The following UBXN7 variants were observed in gnomAD, a reference collection of about 807,000 sequenced individuals.
The protein encoded by UBXN7 is UBX domain protein 7.
Under a neutral mutation model 58.0 loss-of-function variants are expected in UBXN7, and 9 were observed. That is an observed-to-expected ratio of 0.16 (90% confidence interval 0.09 to 0.27). The LOEUF (loss-of-function observed/expected upper bound fraction) is 0.27. Ranked by LOEUF, UBXN7 falls within the 10% of genes least tolerant of loss-of-function variation. The pLI, the probability that UBXN7 is intolerant of heterozygous loss-of-function variation, is 1.00. For synonymous variants in UBXN7, 208 were observed against 205.0 expected (o/e 1.01, Z -0.12); for missense variants, 328 against 599.6 (o/e 0.55, Z 4.73).
intron 1 of UBXN7, among the ~76,000 whole-genome samples, chr3:196,429,199 C>G (rs562309639): frequency 6.6e-6 from 1 of 151,884 alleles, no homozygotes; most frequent in African/African-American, 2.4e-5. Flanking sequence ...TGGTGGCAGG[C>G]GCCTGTGGTC....
intron 10 of UBXN7, 83 bp from the exon 11 acceptor site, chr3:196,356,929 T>C: frequency 2.0e-6 from 3 of 1,481,306 alleles, no homozygotes; most frequent in Admixed American, 2.5e-5. Context: ...AAACATTCTC[T>C]TTTTAATCAT....
intron 10 of UBXN7, among the ~76,000 whole-genome samples, chr3:196,361,487 C>T (rs937929338): frequency 1.3e-5 from 2 of 152,126 alleles, no homozygotes; most frequent in Non-Finnish European, 2.9e-5. Flanking sequence ...CAAACGGCAG[C>T]ACATGCTACA....
chr3:196,368,610 A>G (rs1285244208), intron 7 of UBXN7, among the ~76,000 whole-genome samples: 1 of 152,180 alleles, frequency 6.6e-6, no homozygotes, highest in Non-Finnish European at 1.5e-5. Context: ...CACATCAATT[A>G]TACTCACCTA....
At chr3:196,425,758 T>C (rs1057113090) in intron 1 of UBXN7, among the ~76,000 whole-genome samples, 1 of 152,206 alleles carries the variant, frequency 6.6e-6, no homozygotes, top group Non-Finnish European at 1.5e-5. Flanking sequence ...TCTGTATACA[T>C]GTCTGCCCAA....
At chr3:196,376,274 G>A (rs1729014993) in intron 5 of UBXN7, among the ~76,000 whole-genome samples, 1 of 151,970 alleles carries the variant, frequency 6.6e-6, no homozygotes, top group Non-Finnish European at 1.5e-5. Context: ...CAGGGGCAGT[G>A]GCTCTTGCCT....
intron 8 of UBXN7, 117 bp from the exon 9 acceptor site, chr3:196,362,804 C>G: frequency 5.3e-6 from 7 of 1,309,576 alleles, no homozygotes; most frequent in Non-Finnish European, 2.1e-6. Flanking sequence ...TGACTGTATC[C>G]CTTCTACTTT....
intron 5 of UBXN7, among the ~76,000 whole-genome samples, chr3:196,384,931 C>G (rs1011550722): frequency 6.6e-6 from 1 of 151,918 alleles, no homozygotes; most frequent in Admixed American, 6.6e-5. Flanking sequence ...ATTCAACATA[C>G]TGTTGGAAGT....
intron 4 of UBXN7, 72 bp from the exon 5 acceptor site, chr3:196,391,997 ACAC>A (rs1560231336): frequency 1.2e-5 from 7 of 580,794 alleles, no homozygotes; most frequent in East Asian, 5.1e-5. Context: ...AAAAAAAAAA[ACAC>A]AAACTTCTGT....
intron 5 of UBXN7, among the ~76,000 whole-genome samples, chr3:196,374,890 G>A (rs1577442065): frequency 7.3e-5 from 1 of 13,740 alleles, no homozygotes; most frequent in Non-Finnish European, 1.7e-4. Flanking sequence ...AGGGGAGGGG[G>A]AGGGGAGGGG....
intron 3 of UBXN7, among the ~76,000 whole-genome samples, chr3:196,398,927 T>TTC (rs1170892885): frequency 6.6e-6 from 1 of 151,748 alleles, no homozygotes; most frequent in Non-Finnish European, 1.5e-5. Context: ...GGATTACAGG[T>TTC]GTGAGTCACC....
In UBXN7 at chr3:196,385,095, C is replaced by T. The variant is rs184921445; in HGVS notation, c.468+6718G>A. On this transcript the variant is annotated intron_variant, in intron 5 of 10. Coordinates refer to ENST00000296328, the MANE Select transcript of UBXN7 (RefSeq NM_015562.2). Reference sequence around the variant, plus strand: ...CTGCCGCCATCTCGACTCACTGCAACCTCCCTGCCTGATTCTCCTGCCTCA... The same window carrying T: ...CTGCCGCCATCTCGACTCACTGCAATCTCCCTGCCTGATTCTCCTGCCTCA... 1.0e-3 allele frequency among the ~76,000 whole-genome samples: 153 copies of T among 152,334 alleles called. 1 individual carries two copies. In the East Asian group the frequency reaches 0.017, roughly 17 times the overall value.
intron 5 of UBXN7, among the ~76,000 whole-genome samples, chr3:196,382,117 T>C (rs1267025545): frequency 6.6e-6 from 1 of 151,978 alleles, no homozygotes; most frequent in African/African-American, 2.4e-5. Flanking sequence ...AGGCCAACAT[T>C]CAAATTCAGG....
Position 196,391,978 on chromosome 3 carries a change from GAAAAAA to G in UBXN7, c.356-59_356-54del, listed in dbSNP as rs11335716. On this transcript the variant is annotated intron_variant, in intron 4 of 10. Coordinates refer to ENST00000296328, the MANE Select transcript of UBXN7 (RefSeq NM_015562.2). The stretch of plus-strand genomic sequence containing the variant: ...GTTAGCCATAATCATGAATCACACT[GAAAAAA>G]AAAAAAAAAAAAACACAAACTTCTG... The G allele has an allele frequency of 3.1e-5, 6 of 193,578 alleles. 1 individual carries two copies. The highest frequency in any genetic ancestry group is 1.1e-4 in the East Asian group (1 of 8,852). 12.0% of individuals were successfully genotyped at this position (193,578 alleles called of 1,614,324 possible).
rs1446485600 is a variant in UBXN7, at chr3:196,393,882, A to C, written c.290-263T>G. On this transcript the variant is annotated intron_variant, in intron 3 of 10. Transcript: ENST00000296328. Reference sequence around the variant, plus strand: ...CCTCAAAAAATAAAAAAGTTTAAAAACTTTCAAATCATTCATGTATAATTA... The same window carrying C: ...CCTCAAAAAATAAAAAAGTTTAAAACCTTTCAAATCATTCATGTATAATTA... 2.0e-5 allele frequency: 5 copies of C among 250,524 alleles called. No individual in the cohort carries two copies. The East Asian group carries it at 3.9e-4, about 19-fold the overall frequency. The allele number at this position is 250,524 out of a possible 1,614,324, so 15.5% of individuals were successfully genotyped here.
chr3:196,392,956 G>A (rs1311068596), intron 4 of UBXN7, among the ~76,000 whole-genome samples: 1 of 152,202 alleles, frequency 6.6e-6, no homozygotes, highest in Non-Finnish European at 1.5e-5. Flanking sequence ...ACCTATCTGT[G>A]CCTCAATGAA....
At chr3:196,398,150 C>T (rs1429756445) in intron 3 of UBXN7, among the ~76,000 whole-genome samples, 2 of 152,170 alleles carry the variant, frequency 1.3e-5, no homozygotes, top group African/African-American at 4.8e-5. Flanking sequence ...AGAATGGATG[C>T]CCCCAGGCAA....
rs560661964 is a variant in UBXN7 at position 196,394,474 on chromosome 3, G to A, written c.290-855C>T. On this transcript the variant is annotated intron_variant, in intron 3 of 10. Transcript: ENST00000296328. ...AAAAACTAGCCAGGTGTGGTGGCAC[G>A]CACCTGTAATCCTAGCTACTTGGGA... is the stretch of plus-strand genomic sequence containing the variant. Among the ~76,000 whole-genome samples the A allele has an allele frequency of 4.7e-5, 7 of 150,434 alleles. No individual in the cohort carries two copies. In the East Asian group the frequency reaches 1.2e-3, roughly 25 times the overall value.
At chr3:196,419,660 C>A (rs1240628591) in intron 1 of UBXN7, among the ~76,000 whole-genome samples, 4 of 152,172 alleles carry the variant, frequency 2.6e-5, no homozygotes, top group African/African-American at 9.7e-5. Flanking sequence ...CATTCAGTAA[C>A]ATGAGAGACC....
chr3:196,430,824 T>C (rs1731007116), intron 1 of UBXN7, among the ~76,000 whole-genome samples: 1 of 152,182 alleles, frequency 6.6e-6, no homozygotes, highest in Non-Finnish European at 1.5e-5. Flanking sequence ...AATAATCTTC[T>C]CCATAGCAAT....
Sources: gnomAD v4.1 joint callset for allele counts (sites outside exome capture counted in the v4.1 genomes callset) on GRCh38, gnomAD v4.1.1 for gene constraint, MANE v1.5 for transcripts, NCBI Gene and HGNC (gene_info 2026-07-23, HGNC 2026-07-21) for gene names.